MCTP2: variants seen among roughly 807,000 people sequenced by gnomAD.
The protein encoded by MCTP2 is multiple C2 and transmembrane domain containing 2.
A neutral mutation model predicts 111.6 loss-of-function variants in MCTP2; 132 were observed. That is an observed-to-expected ratio of 1.18 (90% CI 1.03 to 1.37). The LOEUF is 1.37. Among genes scored for constraint, MCTP2 ranks in the 40% most tolerant of loss-of-function variants. MCTP2 has a pLI of 0.00. For synonymous variants in MCTP2, 395 were observed against 387.7 expected (o/e 1.02, Z -0.22); for missense variants, 1,183 against 1,067.9 (o/e 1.11, Z -1.50).
chr15:94,344,382 T>C (rs932321177), intron 7 of MCTP2, among the ~76,000 whole-genome samples: 2 of 152,212 alleles, frequency 1.3e-5, no homozygotes, highest in Non-Finnish European at 2.9e-5. Flanking sequence ...ATAATTGAGT[T>C]GTAACCTCCC....
chr15:94,463,049 T>C (rs1031704089), intron 20 of MCTP2, among the ~76,000 whole-genome samples: 1 of 152,196 alleles, frequency 6.6e-6, no homozygotes, highest in Non-Finnish European at 1.5e-5. Context: ...CTGACCTGGC[T>C]CTTAGAAGGC....
chr15:94,447,778 G>T (rs1019708027), intron 19 of MCTP2, among the ~76,000 whole-genome samples: 1 of 152,178 alleles, frequency 6.6e-6, no homozygotes, highest in African/African-American at 2.4e-5. Flanking sequence ...ATAAAGTGTT[G>T]TATTTTTAAG....
intron 9 of MCTP2, 44 bp from the exon 10 acceptor site, chr15:94,358,438 A>G: frequency 6.4e-7 from 1 of 1,563,106 alleles, no homozygotes; most frequent in Non-Finnish European, 8.7e-7. Flanking sequence ...GTAGCAATGA[A>G]TGACATTTTA....
chr15:94,259,580 G>A (rs2073058028), intron 1 of MCTP2, among the ~76,000 whole-genome samples: 1 of 152,160 alleles, frequency 6.6e-6, no homozygotes, highest in African/African-American at 2.4e-5. Flanking sequence ...ATTGTGATAT[G>A]TTTGATGATG....
rs1181255530 is a variant in MCTP2 at position 94,298,497 on chromosome 15, G to A, written c.232G>A (p.Val78Met). 2 of 1,614,096 alleles carry A rather than the reference G, an allele frequency of 1.2e-6. No individual in the cohort carries two copies. The highest frequency in any genetic ancestry group is 2.2e-5 in the South Asian group (2 of 91,084). The part of the protein sequence containing the change: ...YSGPQSSYTS[V>M]PSSLSTAGIF... The stretch of plus-strand genomic sequence containing the variant: ...CGGGCCACAGTCTTCCTACACCTCG[G>A]TGCCCAGCAGTCTGTCCACTGCAGG... Residue 78 changes from valine (V) to methionine (M), a missense_variant, in exon 2 of 23, where the codon GTG (valine) becomes ATG (methionine). Transcript: ENST00000357742.
rs987229073 is a variant in MCTP2, at chr15:94,236,222, G to A, written c.-66+4558G>A. On this transcript the variant is annotated intron_variant, in intron 1 of 22. Coordinates refer to ENST00000357742, the MANE Select transcript of MCTP2 (RefSeq NM_001385001.1). Reference sequence around the variant, plus strand: ...TAGAGGCCTCTCTTCTAGAGGCCAAGCACCTCCCCAGGCCACAGAGGATTT... The same window carrying A: ...TAGAGGCCTCTCTTCTAGAGGCCAAACACCTCCCCAGGCCACAGAGGATTT... Among the ~76,000 whole-genome samples the A allele has an allele frequency of 4.6e-5, 7 of 151,972 alleles. No individual in the cohort carries two copies. In the East Asian group the frequency reaches 1.4e-3, roughly 29 times the overall value.
chr15:94,322,244 A>G (rs1285899073), intron 4 of MCTP2, among the ~76,000 whole-genome samples: 1 of 152,052 alleles, frequency 6.6e-6, no homozygotes, highest in East Asian at 1.9e-4. Context: ...AACCTTGACC[A>G]TGGAGGAGCA....
intron 4 of MCTP2, among the ~76,000 whole-genome samples, chr15:94,324,422 G>A (rs8024499): frequency 0.61 from 92,781 of 152,146 alleles, 28,749 homozygotes; most frequent in African/African-American, 0.69. Context: ...TGGCCACTCT[G>A]TAGCGTTGCA....
intron 4 of MCTP2, among the ~76,000 whole-genome samples, chr15:94,336,478 C>G (rs1221322547): frequency 3.3e-5 from 5 of 152,140 alleles, no homozygotes; most frequent in Non-Finnish European, 7.3e-5. Flanking sequence ...GAGTGCTCAG[C>G]ATGGAGCCAC....
intron 21 of MCTP2, 93 bp downstream of exon 21, chr15:94,470,535 C>T (rs2073836099): frequency 2.1e-6 from 2 of 956,934 alleles, no homozygotes; most frequent in East Asian, 4.8e-5. Context: ...TAAATGTGCT[C>T]TTGTTGGCAA....
At chr15:94,343,210 T>C (rs1011243434) in intron 7 of MCTP2, 1 of 152,084 alleles carries the variant, frequency 6.6e-6, no homozygotes, top group Non-Finnish European at 1.5e-5. Context: ...ACAGTGCATA[T>C]TGGGAGCCTT....
chr15:94,390,073 T>C (rs1435954579), intron 14 of MCTP2, among the ~76,000 whole-genome samples: 59 of 11,212 alleles, frequency 5.3e-3, no homozygotes, highest in East Asian at 9.3e-3. Flanking sequence ...TATATATATA[T>C]ATATATATAT....
At chr15:94,263,063 ATG>A (rs2073290863) in intron 1 of MCTP2, among the ~76,000 whole-genome samples, 2 of 152,168 alleles carry the variant, frequency 1.3e-5, no homozygotes, top group South Asian at 4.1e-4. Flanking sequence ...GGTGGTATAA[ATG>A]AGAGATTGTA....
At chr15:94,234,706 A>G (rs1212498709) in intron 1 of MCTP2, among the ~76,000 whole-genome samples, 3 of 152,190 alleles carry the variant, frequency 2.0e-5, no homozygotes, top group East Asian at 1.9e-4. Flanking sequence ...GCCTTTGGCC[A>G]TTGGCTTTTC....
At chr15:94,379,907 GTATAA>G (rs979450892) in intron 12 of MCTP2, among the ~76,000 whole-genome samples, 14 of 145,136 alleles carry the variant, frequency 9.6e-5, no homozygotes, top group East Asian at 2.0e-4. Context: ...GATATATAAT[GTATAA>G]TATAATATAT....
intron 17 of MCTP2, among the ~76,000 whole-genome samples, chr15:94,425,831 A>G (rs1452229619): frequency 1.3e-5 from 2 of 152,184 alleles, no homozygotes; most frequent in African/African-American, 4.8e-5. Flanking sequence ...AAGAGACTTA[A>G]ACAGTACTAA....
intron 14 of MCTP2, among the ~76,000 whole-genome samples, chr15:94,396,138 A>G (rs1178267735): frequency 6.6e-6 from 1 of 152,192 alleles, no homozygotes; most frequent in East Asian, 1.9e-4. Context: ...GAAGTTAAAG[A>G]CATCATTATT....
Position 94,440,196 on chromosome 15 carries a change from G to T in MCTP2, c.2106G>T (p.Trp702Cys), listed in dbSNP as rs2083699222. 6.2e-7 allele frequency: 1 copy of T among 1,613,756 alleles called. No homozygotes were observed. Among genetic ancestry groups the T allele is most frequent in the East Asian group, 2.2e-5 (1 of 44,856 alleles). The change falls in exon 18 of 23, where the codon TGG becomes TGT. Residue 702 changes from tryptophan to cysteine, a missense_variant. Coordinates refer to ENST00000357742, the MANE Select transcript of MCTP2 (RefSeq NM_001385001.1). Reference sequence around the variant, plus strand: ...ATCAGGTATTTTTGATCACTGTCTGGAATTTTGAACTATATATGATCCCCT... The same window carrying T: ...ATCAGGTATTTTTGATCACTGTCTGTAATTTTGAACTATATATGATCCCCT... Reference protein sequence around the residue: ...IAFAVFLITVWNFELYMIPLA... With the variant: ...IAFAVFLITVCNFELYMIPLA...
intron 1 of MCTP2, among the ~76,000 whole-genome samples, chr15:94,244,725 T>G (rs28972427): frequency 0.35 from 45,531 of 130,750 alleles, 8,083 homozygotes; most frequent in Non-Finnish European, 0.39. Flanking sequence ...TATGTTTATA[T>G]TCGTATATGT....
Sources: gnomAD v4.1 joint callset for allele counts (sites outside exome capture counted in the v4.1 genomes callset) on GRCh38, gnomAD v4.1.1 for gene constraint, MANE v1.5 for transcripts, NCBI Gene and HGNC (gene_info 2026-07-23, HGNC 2026-07-21) for gene names.